NIPBL: variants seen among roughly 807,000 people sequenced by gnomAD.
NIPBL encodes nipped-B-like protein.
NIPBL carries 19 observed loss-of-function variants against 321.8 expected under a neutral mutation model. The observed-to-expected ratio is 0.06, with a 90% CI of 0.04 to 0.09. The LOEUF is 0.09. Ranked by LOEUF, NIPBL falls within the 10% of genes least tolerant of loss-of-function variation. NIPBL has a pLI of 1.00. For synonymous variants in NIPBL, 1,106 were observed against 1,114.1 expected, an observed-to-expected ratio of 0.99 and a Z score of 0.14; for missense variants, 2,210 against 3,327.0, an observed-to-expected ratio of 0.66 and a Z score of 8.26.
chr5:36,955,654 T>A lies in NIPBL; in HGVS notation c.230+17T>A. ...AGATCACATGTAAGTATGATCAATT[T>A]TATATCTACTATAAGTGAAAAGTTT... On this transcript the variant is annotated intron_variant, in intron 3 of 46. Transcript: ENST00000282516. The A allele has an allele frequency of 1.9e-6, 3 of 1,606,546 alleles. No homozygotes were observed. The highest frequency in any genetic ancestry group is 2.6e-6 in the Non-Finnish European group (3 of 1,173,638).
chr5:36,975,761 G>T lies in NIPBL; in HGVS notation c.869-15G>T. Reference sequence around the variant, plus strand: ...AACCACCACAACTGTTACTTCTATCGAATTATTTTTCTAGGCTCAAGACCA... The same window carrying T: ...AACCACCACAACTGTTACTTCTATCTAATTATTTTTCTAGGCTCAAGACCA... On this transcript the variant is annotated splice_polypyrimidine_tract_variant and intron_variant, in intron 8 of 46. Coordinates refer to ENST00000282516, the MANE Select transcript of NIPBL (RefSeq NM_133433.4). 1 of 1,612,364 alleles carries T rather than the reference G, an allele frequency of 6.2e-7. No homozygotes were observed. The highest frequency in any genetic ancestry group is 1.1e-5 in the South Asian group (1 of 90,874).
chr5:36,905,677 C>T lies in NIPBL; in HGVS notation c.-80+28499C>T, dbSNP rs140909526. Among the ~76,000 whole-genome samples the T allele has an allele frequency of 7.1e-3, 1,081 of 151,700 alleles. 16 individuals carry two copies. The highest frequency in any genetic ancestry group is 0.019 in the South Asian group (93 of 4,776). On this transcript the variant is annotated intron_variant, in intron 1 of 46. Transcript: ENST00000282516. ...AAATTTCAGTGAGATGTTAGGTAGGCGCAATATTTCTGAAATTTATCTAAA... is the reference window on the plus strand; with the variant it reads ...AAATTTCAGTGAGATGTTAGGTAGGTGCAATATTTCTGAAATTTATCTAAA...
chr5:36,942,088 G>C (rs1271993033), intron 1 of NIPBL, among the ~76,000 whole-genome samples: 1 of 151,960 alleles, frequency 6.6e-6, no homozygotes, highest in African/African-American at 2.4e-5. Context: ...TAAAAACTTA[G>C]ATCCTTAGTA....
chr5:36,972,808 C>G (rs568032230), intron 8 of NIPBL, among the ~76,000 whole-genome samples: 16 of 96,480 alleles, frequency 1.7e-4, no homozygotes, highest in African/African-American at 1.2e-3. Flanking sequence ...CAAATCTAAC[C>G]TGTTCTGTTA....
Position 37,007,561 on chromosome 5 carries a change from C to T in NIPBL, c.4239+87C>T, listed in dbSNP as rs958644244. On this transcript the variant is annotated intron_variant, in intron 18 of 46. Transcript: ENST00000282516. ...CTAGCTCACTCAATAATAAGACCAG[C>T]ACTATATTATCAAGAATTTTTCCTG... 15 of 883,834 alleles carry T rather than the reference C, an allele frequency of 1.7e-5. No homozygotes were observed. In the East Asian group the frequency reaches 3.1e-4, roughly 19 times the overall value. The allele number at this position is 883,834 out of a possible 1,614,324, so 54.7% of individuals were successfully genotyped here. A position where few individuals can be genotyped will look rare whatever the true frequency, so the allele number is the denominator to read the frequency against.
rs761768018 is a variant in NIPBL at position 36,913,575 on chromosome 5, C to G, written c.-80+36397C>G. On this transcript the variant is annotated intron_variant, in intron 1 of 46. Transcript: ENST00000282516. ...TGGCTAATTTTTCTGTAGAGAAACTCCCAATTTTTCTGGTCTTGAACTCCT... is the reference window on the plus strand; with the variant it reads ...TGGCTAATTTTTCTGTAGAGAAACTGCCAATTTTTCTGGTCTTGAACTCCT... 7.2e-5 allele frequency among the ~76,000 whole-genome samples: 11 copies of G among 151,726 alleles called. No homozygotes were observed. The East Asian group carries it at 2.1e-3, about 29-fold the overall frequency.
chr5:36,881,390 A>G (rs1020229783), intron 1 of NIPBL, among the ~76,000 whole-genome samples: 9 of 151,610 alleles, frequency 5.9e-5, no homozygotes, highest in African/African-American at 2.2e-4. Context: ...TTCTATTCCC[A>G]AAGTTATATC....
At chr5:37,054,657 T>C (rs1008489822) in intron 42 of NIPBL, among the ~76,000 whole-genome samples, 3 of 152,124 alleles carry the variant, frequency 2.0e-5, no homozygotes, top group Admixed American at 1.3e-4. Context: ...GAAACCCAGC[T>C]CTCACAATGC....
rs968428097 is a variant in NIPBL, at chr5:36,953,595, A to G, written c.-79-23A>G. 3.6e-4 allele frequency: 332 copies of G among 913,278 alleles called. No individual in the cohort carries two copies. The highest frequency in any genetic ancestry group is 1.3e-3 in the Admixed American group (77 of 58,198). 56.6% of individuals were successfully genotyped at this position (913,278 alleles called of 1,614,324 possible). A position where few individuals can be genotyped will look rare whatever the true frequency, so the allele number is the denominator to read the frequency against. On this transcript the variant is annotated intron_variant, in intron 1 of 46. Transcript: ENST00000282516. ...TATATCTGACATATCTCTACAAATA[A>G]TTGTCTGTTTTGTGTGTTGCAGTGT...
At chr5:36,936,157 T>A in intron 1 of NIPBL, among the ~76,000 whole-genome samples, 1 of 152,156 alleles carries the variant, frequency 6.6e-6, no homozygotes, top group South Asian at 2.1e-4. Flanking sequence ...GATTATGGTA[T>A]TATTTGATAT....
chr5:36,936,829 A>G (rs1053241731), intron 1 of NIPBL, among the ~76,000 whole-genome samples: 1 of 151,962 alleles, frequency 6.6e-6, no homozygotes, highest in South Asian at 2.1e-4. Flanking sequence ...ATTGGATTAT[A>G]TTGAAGATTA....
chr5:37,044,081 G>A (rs1752729805), intron 34 of NIPBL, among the ~76,000 whole-genome samples: 2 of 152,030 alleles, frequency 1.3e-5, no homozygotes, highest in African/African-American at 2.4e-5. Flanking sequence ...GTTTAGAATT[G>A]ACTTGTGTTA....
At chr5:36,897,905 A>G (rs951678326) in intron 1 of NIPBL, among the ~76,000 whole-genome samples, 1 of 151,156 alleles carries the variant, frequency 6.6e-6, no homozygotes, top group East Asian at 1.9e-4. Flanking sequence ...AAAAAAAAAA[A>G]GCAAGGAGGG....
At chr5:36,891,831 G>A (rs1238479880) in intron 1 of NIPBL, among the ~76,000 whole-genome samples, 2 of 152,154 alleles carry the variant, frequency 1.3e-5, no homozygotes. Flanking sequence ...ATGGGGGATT[G>A]TAGCGAAGGA....
chr5:36,970,545 C>A (rs1742741872), intron 6 of NIPBL, among the ~76,000 whole-genome samples: 2 of 151,506 alleles, frequency 1.3e-5, no homozygotes, highest in Admixed American at 1.3e-4. Flanking sequence ...GGAATATATT[C>A]ATGCATAGCA....
chr5:36,973,613 A>G (rs1049706511), intron 8 of NIPBL, among the ~76,000 whole-genome samples: 1 of 152,006 alleles, frequency 6.6e-6, no homozygotes, highest in Admixed American at 6.6e-5. Context: ...GATTACAGGC[A>G]CATGCCACCA....
intron 1 of NIPBL, among the ~76,000 whole-genome samples, chr5:36,924,568 G>T (rs1398230044): frequency 1.3e-5 from 2 of 152,116 alleles, no homozygotes; most frequent in East Asian, 1.9e-4. Context: ...TTGTGTATAG[G>T]TGTATCCACA....
intron 1 of NIPBL, among the ~76,000 whole-genome samples, chr5:36,942,432 TA>T (rs33935189): frequency 0.029 from 1,741 of 59,730 alleles, 14 homozygotes; most frequent in African/African-American, 0.038. Context: ...ACTCTGTCTT[TA>T]AAAAAAAAAA....
At chr5:37,033,366 ATACAT>A (rs1428413314) in intron 32 of NIPBL, among the ~76,000 whole-genome samples, 3 of 152,108 alleles carry the variant, frequency 2.0e-5, no homozygotes, top group Non-Finnish European at 4.4e-5. Context: ...ATTTTCAAAG[ATACAT>A]TACATAATTA....
Sources: allele counts gnomAD v4.1 joint callset (sites outside exome capture counted in the v4.1 genomes callset), GRCh38; gene constraint gnomAD v4.1.1; transcripts MANE v1.5; gene names NCBI Gene and HGNC (gene_info 2026-07-23, HGNC 2026-07-21).